Variants in PIWIL4 observed in about 807,000 individuals in gnomAD.
The protein encoded by PIWIL4 is piwi like RNA-mediated gene silencing 4, also known as piwi-like protein 4.
In PIWIL4, 50 loss-of-function variants were observed where a neutral mutation model predicts 100.9. That is an observed-to-expected ratio of 0.50 (90% CI 0.39 to 0.63). The LOEUF (loss-of-function observed/expected upper bound fraction) is 0.63, where lower values mean the gene tolerates loss of function less well. Ranked by LOEUF, PIWIL4 falls within the 20% of genes least tolerant of loss-of-function variation. PIWIL4 has a pLI of 0.00. For missense variants in PIWIL4, 887 were observed against 1,043.3 expected (o/e 0.85, Z 2.06); for synonymous variants, 342 against 367.5 (o/e 0.93, Z 0.79).
Position 94,577,288 on chromosome 11 carries a change from A to G in PIWIL4, c.309A>G (p.Gly103=). Residue 103 remains glycine (G), a synonymous_variant, in exon 4 of 20, where the codon GGA becomes GGG. Transcript: ENST00000299001. ...HVRNCKTGSS[G]IPVKLVTNLF... ...GTTTGTCTTCTTCAGGTTCCAGTGG[A>G]ATACCTGTGAAACTGGTTACAAACC... is the stretch of plus-strand genomic sequence containing the variant. 6.2e-7 allele frequency: 1 copy of G among 1,613,032 alleles called. No homozygotes were observed. Among genetic ancestry groups the G allele is most frequent in the Non-Finnish European group, 8.5e-7 (1 of 1,179,328 alleles).
chr11:94,579,852 A>G (rs1275630981), intron 4 of PIWIL4, among the ~76,000 whole-genome samples: 1 of 152,220 alleles, frequency 6.6e-6, no homozygotes, highest in Non-Finnish European at 1.5e-5. Flanking sequence ...CTTAAATGAT[A>G]TATTTCAAGT....
chr11:94,595,100 C>T (rs1378807551), intron 9 of PIWIL4, among the ~76,000 whole-genome samples: 2 of 152,192 alleles, frequency 1.3e-5, no homozygotes, highest in African/African-American at 4.8e-5. Flanking sequence ...AAATAATATA[C>T]ACTATTCAAA....
At chr11:94,584,920 CG>C (rs1948377631) in intron 5 of PIWIL4, among the ~76,000 whole-genome samples, 2 of 152,112 alleles carry the variant, frequency 1.3e-5, no homozygotes, top group South Asian at 4.2e-4. Flanking sequence ...CAAAATTAGC[CG>C]GGCGTGGTGG....
At chr11:94,578,480 C>T (rs1948271104) in intron 4 of PIWIL4, among the ~76,000 whole-genome samples, 1 of 152,106 alleles carries the variant, frequency 6.6e-6, no homozygotes, top group South Asian at 2.1e-4. Context: ...TTTTTCCTTG[C>T]AAATCTGTAT....
At chr11:94,574,532 C>T (rs1019221868) in intron 2 of PIWIL4, among the ~76,000 whole-genome samples, 1 of 152,178 alleles carries the variant, frequency 6.6e-6, no homozygotes, top group East Asian at 1.9e-4. Context: ...GACAGGGTCT[C>T]GCCCTGTCGC....
chr11:94,600,521 A>C (rs374902630), intron 11 of PIWIL4, among the ~76,000 whole-genome samples: 22 of 152,200 alleles, frequency 1.4e-4, no homozygotes. Context: ...TTTACAAGGT[A>C]ATAGAATATC....
chr11:94,608,881 T>A (rs1325480503), intron 15 of PIWIL4, among the ~76,000 whole-genome samples, 195 bp downstream of exon 15: 2 of 152,234 alleles, frequency 1.3e-5, no homozygotes, highest in Non-Finnish European at 2.9e-5. Context: ...CATTAAAAAA[T>A]CTTTTATATA....
chr11:94,597,034 A>G (rs913791463), intron 10 of PIWIL4, among the ~76,000 whole-genome samples: 8 of 152,228 alleles, frequency 5.3e-5, no homozygotes, highest in African/African-American at 1.9e-4. Flanking sequence ...GTCACTCTCA[A>G]GGAGCTTATG....
rs1948867433 is a variant in PIWIL4, at chr11:94,618,244, G to C, written c.2168+137G>C. On this transcript the variant is annotated intron_variant, in intron 17 of 19. Coordinates refer to ENST00000299001, the MANE Select transcript of PIWIL4 (RefSeq NM_152431.3). ...GCTGTGTTTCTGTATCATGCCAGTA[G>C]AGCTCTATCATTTCCTTCAGATTGG... 2.6e-5 allele frequency: 21 copies of C among 821,416 alleles called. No individual in the cohort carries two copies. The South Asian group carries it at 5.4e-4, about 21-fold the overall frequency. 50.9% of individuals were successfully genotyped at this position (821,416 alleles called of 1,614,324 possible).
Position 94,597,469 on chromosome 11 carries a change from T to A in PIWIL4, c.1269-335T>A, listed in dbSNP as rs1246372579. Among the ~76,000 whole-genome samples, 3 of 152,248 alleles carry A rather than the reference T, an allele frequency of 2.0e-5. No individual in the cohort carries two copies. The East Asian group carries it at 5.8e-4, about 29-fold the overall frequency. On this transcript the variant is annotated intron_variant, in intron 10 of 19. Transcript: ENST00000299001. ...TCCTACGAAGTAGGTGCTTTTATTA[T>A]CCTTACATTTTGCCAGTAAGGAAAC...
Position 94,595,358 on chromosome 11 carries a change from T to G in PIWIL4, c.1200T>G (p.Ala400=). 6.2e-7 allele frequency: 1 copy of G among 1,614,032 alleles called. No homozygotes were observed. ...ATTTCCAGCTGATGAAGGCTGTGGC[T>G]GAAAAGACACGTCTCAGTCCTTCAG... ...TSDFQLMKAV[A]EKTRLSPSGR... Residue 400 remains alanine (A), a synonymous_variant, in exon 10 of 20, where the codon GCT becomes GCG. Coordinates refer to ENST00000299001, the MANE Select transcript of PIWIL4 (RefSeq NM_152431.3).
At chr11:94,602,121 G>T in intron 12 of PIWIL4, 142 bp downstream of exon 12, 1 of 704,822 alleles carries the variant, frequency 1.4e-6, no homozygotes. Flanking sequence ...TAAGTAGATA[G>T]ATTTTGTAAT....
At chr11:94,608,384 A>G (rs1044603676) in intron 14 of PIWIL4, 199 bp from the exon 15 acceptor site, 6 of 547,816 alleles carry the variant, frequency 1.1e-5, no homozygotes, top group Admixed American at 6.3e-5. Context: ...ATAAGTGTGT[A>G]CCATATTCTT....
intron 16 of PIWIL4, chr11:94,617,669 T>G (rs1948860979): frequency 2.4e-6 from 1 of 409,210 alleles, no homozygotes. Context: ...CATTAATTTT[T>G]AATTTATTGC....
chr11:94,589,165 T>C lies in PIWIL4; in HGVS notation c.959T>C (p.Val320Ala), dbSNP rs1370758755. Residue 320 changes from valine (V) to alanine (A), a missense_variant, in exon 8 of 20, where the codon GTG (valine) becomes GCG (alanine). By Grantham distance (64) the Val-to-Ala change is moderately conservative (BLOSUM62 0). Around this residue, in one of 2 missense-constraint regions of PIWIL4, gnomAD observed 741 missense variants for 930.0 expected, o/e 0.80. Coordinates refer to ENST00000299001, the MANE Select transcript of PIWIL4 (RefSeq NM_152431.3). Reference sequence around the variant, plus strand: ...TCCATTGATGACATTGACTGGTCAGTGAAGCCCACACACACCTTTCAGAAG... The same window carrying C: ...TCCATTGATGACATTGACTGGTCAGCGAAGCCCACACACACCTTTCAGAAG... Reference protein sequence around the residue: ...TYSIDDIDWSVKPTHTFQKRD... With the variant: ...TYSIDDIDWSAKPTHTFQKRD... The C allele has an allele frequency of 1.2e-6, 2 of 1,613,256 alleles. No homozygotes were observed. Among genetic ancestry groups the C allele is most frequent in the Middle Eastern group, 1.6e-4 (1 of 6,062 alleles).
rs1002810177 is a variant in PIWIL4, at chr11:94,593,742, C to T, written c.1150+101C>T. On this transcript the variant is annotated intron_variant, in intron 9 of 19. Coordinates refer to ENST00000299001, the MANE Select transcript of PIWIL4 (RefSeq NM_152431.3). ...TTAAGTTACATGAATGCCAGGACAT[C>T]GATTTAACCCATGGAGGATGGTCCT... The T allele has an allele frequency of 5.9e-5, 78 of 1,330,488 alleles. No individual in the cohort carries two copies. In the African/African-American group the frequency reaches 8.4e-4, roughly 14 times the overall value. 82.4% of individuals were successfully genotyped at this position (1,330,488 alleles called of 1,614,324 possible). A position where few individuals can be genotyped will look rare whatever the true frequency, so the allele number is the denominator to read the frequency against.
intron 8 of PIWIL4, among the ~76,000 whole-genome samples, chr11:94,589,704 T>G (rs2135263957): frequency 6.6e-6 from 1 of 152,218 alleles, no homozygotes; most frequent in East Asian, 1.9e-4. Context: ...TGGATACCCC[T>G]TCACAGCCAG....
intron 5 of PIWIL4, among the ~76,000 whole-genome samples, chr11:94,584,351 C>T (rs1238167736): frequency 6.6e-6 from 1 of 152,160 alleles, no homozygotes; most frequent in Non-Finnish European, 1.5e-5. Flanking sequence ...TTTCCTGAGT[C>T]GTATGAGCAC....
intron 2 of PIWIL4, among the ~76,000 whole-genome samples, chr11:94,571,480 C>A (rs761907214): frequency 8.5e-5 from 13 of 152,182 alleles, no homozygotes; most frequent in Non-Finnish European, 1.9e-4. Context: ...GTTCCCCACC[C>A]TGCATCCAAG....
Sources: gnomAD v4.1 joint callset for allele counts (sites outside exome capture counted in the v4.1 genomes callset) on GRCh38, gnomAD v4.1.1 for gene constraint, gnomAD v4.1.1 regional missense constraint, MANE v1.5 for transcripts, NCBI Gene and HGNC (gene_info 2026-07-23, HGNC 2026-07-21) for gene names.